GAB4: variants seen among roughly 807,000 people sequenced by gnomAD.
GAB4 encodes the protein GRB2 associated binding protein family member 4, also known as GRB2-associated-binding protein 4.
A neutral mutation model predicts 51.3 loss-of-function variants in GAB4; 26 were observed. The ratio of observed to expected loss-of-function variants is 0.51; its 90% CI spans 0.37 to 0.70. The LOEUF (loss-of-function observed/expected upper bound fraction) is 0.70, where lower values mean the gene tolerates loss of function less well. Ranked by LOEUF, GAB4 falls within the 30% of genes least tolerant of loss-of-function variation. The probability of loss-of-function intolerance (pLI) is 0.00; values close to 1 mark genes in which losing one functional copy is unlikely to be tolerated. For synonymous variants in GAB4, 329 were observed against 291.2 expected (o/e 1.13, Z -1.32); for missense variants, 759 against 734.6 (o/e 1.03, Z -0.38).
chr22:16,999,661 G>A (rs1170780338), intron 1 of GAB4, among the ~76,000 whole-genome samples: 1 of 152,114 alleles, frequency 6.6e-6, no homozygotes, highest in Non-Finnish European at 1.5e-5. Flanking sequence ...TCTGATCTTA[G>A]TCATTTCTTG....
intron 1 of GAB4, among the ~76,000 whole-genome samples, chr22:17,007,614 G>A (rs1422052010): frequency 6.6e-6 from 1 of 152,182 alleles, no homozygotes; most frequent in East Asian, 1.9e-4. Flanking sequence ...GGGAGGGAAG[G>A]GGAGCGGGTG....
In GAB4 at chr22:16,962,605, G is replaced by T; in HGVS notation, c.*128C>A. 1 of 792,094 alleles carries T rather than the reference G, an allele frequency of 1.3e-6. No homozygotes were observed. Among genetic ancestry groups the T allele is most frequent in the Non-Finnish European group, 1.8e-6 (1 of 553,152 alleles). 49.1% of individuals were successfully genotyped at this position (792,094 alleles called of 1,614,324 possible). A position where few individuals can be genotyped will look rare whatever the true frequency, so the allele number is the denominator to read the frequency against. The stretch of plus-strand genomic sequence containing the variant: ...CACAGGTGGGCCCCAAGCAGGCAAA[G>T]GATGTATATTGATCAGGCCTCTGCT... On this transcript the variant is annotated 3_prime_UTR_variant, in exon 10 of 10. Coordinates refer to ENST00000400588, the MANE Select transcript of GAB4 (RefSeq NM_001037814.1).
intron 3 of GAB4, among the ~76,000 whole-genome samples, chr22:16,974,777 A>G (rs912240107): frequency 5.0e-4 from 76 of 152,206 alleles, no homozygotes; most frequent in Non-Finnish European, 9.4e-4. Flanking sequence ...TCAACGCAGA[A>G]GGTGGGTGAT....
In GAB4 at chr22:16,968,399, G is replaced by A; in HGVS notation, c.938-16C>T. 6.3e-7 allele frequency: 1 copy of A among 1,598,264 alleles called. No individual in the cohort carries two copies. The highest frequency in any genetic ancestry group is 1.1e-5 in the South Asian group (1 of 90,804). On this transcript the variant is annotated splice_polypyrimidine_tract_variant and intron_variant, in intron 4 of 9. Coordinates refer to ENST00000400588, the MANE Select transcript of GAB4 (RefSeq NM_001037814.1). ...CCGGAGGAAGCTACGACAGAGGAAG[G>A]AGATCCACATGCATCACAGCTGATC...
In GAB4 at chr22:16,966,284, G is replaced by A. The variant is rs749774475; in HGVS notation, c.1104C>T (p.Thr368=). Residue 368 remains threonine, a synonymous_variant, in exon 6 of 10, where the codon ACC becomes ACT. Coordinates refer to ENST00000400588, the MANE Select transcript of GAB4 (RefSeq NM_001037814.1). ...CGCCTGCTTGCTTCACAGCCGGCAG[G>A]GTAGGGGAGCCTGGGTTCATGGGCA... ...SCVPMNPGSP[T]LPAVKQAGDD... 2.5e-6 allele frequency: 4 copies of A among 1,613,906 alleles called. No individual in the cohort carries two copies. Among genetic ancestry groups the A allele is most frequent in the Middle Eastern group, 1.6e-4 (1 of 6,062 alleles).
chr22:16,967,420 G>C (rs1170375138), intron 5 of GAB4: 1 of 152,548 alleles, frequency 6.6e-6, no homozygotes, highest in Non-Finnish European at 1.5e-5. Context: ...TCCTGACTCG[G>C]CACTGGCAGG....
At chr22:16,972,667 A>G (rs2060741870) in intron 3 of GAB4, among the ~76,000 whole-genome samples, 1 of 152,138 alleles carries the variant, frequency 6.6e-6, no homozygotes, top group Admixed American at 6.5e-5. Flanking sequence ...TCTCAAGCCC[A>G]AAACATTGGA....
chr22:16,993,965 G>A (rs1428581187), intron 1 of GAB4, among the ~76,000 whole-genome samples: 1 of 152,066 alleles, frequency 6.6e-6, no homozygotes, highest in African/African-American at 2.4e-5. Context: ...TCTTGCATTT[G>A]TGAACACCCT....
At chr22:17,001,239 A>G (rs1466365040) in intron 1 of GAB4, among the ~76,000 whole-genome samples, 1 of 152,228 alleles carries the variant, frequency 6.6e-6, no homozygotes. Flanking sequence ...AGTGTTTTCC[A>G]ACTTGGTTCC....
intron 1 of GAB4, 142 bp from the exon 2 acceptor site, chr22:16,992,318 G>C: frequency 2.9e-6 from 2 of 696,902 alleles, no homozygotes; most frequent in Non-Finnish European, 4.8e-6. Context: ...AGTTTCAAAG[G>C]TGGAGAGTGA....
At position 16,963,746 on chromosome 22, in the gene GAB4, G is replaced by A; in HGVS notation, c.1560C>T (p.Ala520=). The change falls in exon 9 of 10, where the codon GCC becomes GCT. Residue 520 remains alanine, a synonymous_variant. Coordinates refer to ENST00000400588, the MANE Select transcript of GAB4 (RefSeq NM_001037814.1). The stretch of plus-strand genomic sequence containing the variant: ...GCACCTTGCTCGGCTGGAAGTCCAG[G>A]GCCGCGTAGTGGATGTTACCAGTGC... The part of the protein sequence containing the change: ...PRSTGNIHYA[A]LDFQPSKPSI... 1 of 1,613,558 alleles carries A rather than the reference G, an allele frequency of 6.2e-7. No homozygotes were observed.
chr22:17,003,992 T>C (rs1476515003), intron 1 of GAB4, among the ~76,000 whole-genome samples: 2 of 152,102 alleles, frequency 1.3e-5, no homozygotes, highest in African/African-American at 2.4e-5. Context: ...TAGAGGGGTA[T>C]CACCGCTGAT....
Position 16,970,059 on chromosome 22 carries a change from G to A in GAB4, c.821C>T (p.Ser274Phe). 2 of 1,614,230 alleles carry A rather than the reference G, an allele frequency of 1.2e-6. No individual in the cohort carries two copies. Among genetic ancestry groups the A allele is most frequent in the Admixed American group, 3.3e-5 (2 of 60,024 alleles). Residue 274 changes from serine (S) to phenylalanine (F), a missense_variant, in exon 4 of 10, where the codon TCC (serine) becomes TTC (phenylalanine). Physicochemically the swap from Ser to Phe is radical, Grantham distance 155. Transcript: ENST00000400588. Reference sequence around the variant, plus strand: ...TTCTGCATTGTGCTGGCTGGGCTTGGAAAGGCTATGGAAGCCATGGATGTG... The same window carrying A: ...TTCTGCATTGTGCTGGCTGGGCTTGAAAAGGCTATGGAAGCCATGGATGTG... ...SGHIHGFHSLSKPSQHNAEFR... is the reference protein window; with the variant it reads ...SGHIHGFHSLFKPSQHNAEFR...
At chr22:16,978,680 T>C (rs1039052393) in intron 3 of GAB4, among the ~76,000 whole-genome samples, 1 of 145,590 alleles carries the variant, frequency 6.9e-6, no homozygotes, top group African/African-American at 2.5e-5. Flanking sequence ...TAACTCATTT[T>C]GTGAGGCCAG....
intron 2 of GAB4, among the ~76,000 whole-genome samples, chr22:16,990,128 C>T (rs2060902150): frequency 6.6e-6 from 1 of 152,252 alleles, no homozygotes; most frequent in African/African-American, 2.4e-5. Context: ...GTCCTTATGG[C>T]ATTGCTCACA....
intron 3 of GAB4, among the ~76,000 whole-genome samples, chr22:16,979,000 C>A (rs1368085044): frequency 6.6e-6 from 1 of 152,160 alleles, no homozygotes; most frequent in African/African-American, 2.4e-5. Flanking sequence ...GCTAAAAAAT[C>A]TCAATAAACT....
Position 16,987,975 on chromosome 22 carries a change from C to A in GAB4, c.671G>T (p.Arg224Ile). 6.2e-7 allele frequency: 1 copy of A among 1,603,278 alleles called. No homozygotes were observed. Among genetic ancestry groups the A allele is most frequent in the Admixed American group, 1.7e-5 (1 of 57,866 alleles). ...AGCCCCCTACCTTGCATGTTCTGCT[C>A]TCTGGCTGGCGTGCTGGTGCGAGCG... ...CLRSHQHASQ[R>I]AEHARSASFS... The change falls in exon 3 of 10, where the codon AGA becomes ATA. Residue 224 changes from arginine (R) to isoleucine (I), a missense_variant. Physicochemically the swap from Arg to Ile is moderately conservative, Grantham distance 97 (BLOSUM62 -3). Coordinates refer to ENST00000400588, the MANE Select transcript of GAB4 (RefSeq NM_001037814.1).
In GAB4 at chr22:16,990,319, A is replaced by G. The variant is rs1675898733; in HGVS notation, c.478+1554T>C. ...CATCACCCCATACATTCAGCTCAAA[A>G]CTCAGTGAGGGCAGAGATTTCATCT... On this transcript the variant is annotated intron_variant, in intron 2 of 9. Transcript: ENST00000400588. Among the ~76,000 whole-genome samples, 3 of 151,710 alleles carry G rather than the reference A, an allele frequency of 2.0e-5. No homozygotes were observed. In the South Asian group the frequency reaches 6.3e-4, roughly 32 times the overall value.
intron 3 of GAB4, among the ~76,000 whole-genome samples, chr22:16,986,877 G>A (rs527301956): frequency 1.3e-5 from 2 of 152,330 alleles, no homozygotes; most frequent in African/African-American, 4.8e-5. Context: ...TTGAGTGCTG[G>A]AGCCCCTGCC....
Sources: gnomAD v4.1 joint callset for allele counts (sites outside exome capture counted in the v4.1 genomes callset) on GRCh38, gnomAD v4.1.1 for gene constraint, MANE v1.5 for transcripts, NCBI Gene and HGNC (gene_info 2026-07-23, HGNC 2026-07-21) for gene names.